The following SHISA6 variants were observed in gnomAD, a reference collection of about 807,000 sequenced individuals.
SHISA6 encodes shisa family member 6.
A neutral mutation model predicts 47.9 loss-of-function variants in SHISA6; 22 were observed. That is an observed-to-expected ratio of 0.46 (90% CI 0.33 to 0.66). The LOEUF is 0.66. Ranked by LOEUF, SHISA6 falls within the 30% of genes least tolerant of loss-of-function variation. SHISA6 has a pLI of 0.02. For missense variants in SHISA6, 680 were observed against 764.6 expected, an observed-to-expected ratio of 0.89 and a Z score of 1.30; for synonymous variants, 388 against 337.8, an observed-to-expected ratio of 1.15 and a Z score of -1.63.
chr17:11,532,275 T>C (rs1196858395), intron 3 of SHISA6, among the ~76,000 whole-genome samples: 5 of 152,186 alleles, frequency 3.3e-5, no homozygotes, highest in African/African-American at 4.8e-5. Flanking sequence ...AAGCCACGTA[T>C]ACCATATTCC....
chr17:11,529,175 A>T (rs1054681572), intron 3 of SHISA6, among the ~76,000 whole-genome samples: 2 of 151,894 alleles, frequency 1.3e-5, no homozygotes, highest in African/African-American at 4.8e-5. Context: ...CCTGGGTGAC[A>T]GTGTGAGACT....
At chr17:11,506,094 C>T (rs765616702) in intron 3 of SHISA6, among the ~76,000 whole-genome samples, 8 of 152,126 alleles carry the variant, frequency 5.3e-5, no homozygotes, top group Non-Finnish European at 1.2e-4. Context: ...TGCATATCCA[C>T]GGGATTATGT....
At chr17:11,553,997 G>C (rs548637395) in intron 4 of SHISA6, among the ~76,000 whole-genome samples, 1 of 152,304 alleles carries the variant, frequency 6.6e-6, no homozygotes, top group South Asian at 2.1e-4. Flanking sequence ...AGGGAGAGCT[G>C]GCCTTGGCTC....
At chr17:11,395,463 T>C (rs1360696208) in intron 3 of SHISA6, among the ~76,000 whole-genome samples, 1 of 152,006 alleles carries the variant, frequency 6.6e-6, no homozygotes, top group Non-Finnish European at 1.5e-5. Flanking sequence ...ATTTTTATTA[T>C]TGGCATCCTA....
chr17:11,406,223 C>T (rs1913954286), intron 3 of SHISA6, among the ~76,000 whole-genome samples: 1 of 152,200 alleles, frequency 6.6e-6, no homozygotes, highest in Non-Finnish European at 1.5e-5. Flanking sequence ...AGATTAACCT[C>T]TCACTCACAC....
At chr17:11,298,914 G>A (rs1198858158) in intron 2 of SHISA6, among the ~76,000 whole-genome samples, 1 of 152,192 alleles carries the variant, frequency 6.6e-6, no homozygotes, top group Non-Finnish European at 1.5e-5. Context: ...TGATGTTAGA[G>A]GTAGATTTGT....
intron 2 of SHISA6, chr17:11,289,410 A>T (rs1259384889): frequency 6.6e-6 from 1 of 152,016 alleles, no homozygotes; most frequent in East Asian, 1.9e-4. Context: ...TAAGATTTGA[A>T]ATCAAGGTTA....
intron 3 of SHISA6, among the ~76,000 whole-genome samples, chr17:11,512,565 A>T (rs1365902342): frequency 2.0e-5 from 3 of 152,318 alleles, no homozygotes; most frequent in Admixed American, 6.5e-5. Flanking sequence ...AAAAGTTGTC[A>T]CTTTAATTTT....
At chr17:11,464,169 G>A (rs908767631) in intron 3 of SHISA6, among the ~76,000 whole-genome samples, 11 of 151,992 alleles carry the variant, frequency 7.2e-5, no homozygotes, top group African/African-American at 9.7e-5. Context: ...CTCCTGCCTC[G>A]GCCTCCCAAA....
chr17:11,411,410 T>A (rs2142272834), intron 3 of SHISA6, among the ~76,000 whole-genome samples: 1 of 152,100 alleles, frequency 6.6e-6, no homozygotes, highest in Non-Finnish European at 1.5e-5. Context: ...TTTGTTTGTT[T>A]GTTTGAGATG....
chr17:11,258,040 A>G (rs1179137568), intron 1 of SHISA6, among the ~76,000 whole-genome samples: 1 of 152,236 alleles, frequency 6.6e-6, no homozygotes, highest in African/African-American at 2.4e-5. Context: ...TTAGGCAGGA[A>G]TGCTTTTAGA....
rs892585974 is a variant in SHISA6 at position 11,291,531 on chromosome 17, G to A, written c.799+28005G>A. On this transcript the variant is annotated intron_variant, in intron 2 of 5. Coordinates refer to ENST00000441885, the MANE Select transcript of SHISA6 (RefSeq NM_207386.4). ...CGCCTGTAGTCCCAGCTACTCGGGA[G>A]GCTGAGGCAGGAGAATTACTTTAAC... Among the ~76,000 whole-genome samples, 24 of 152,086 alleles carry A rather than the reference G, an allele frequency of 1.6e-4. 1 individual carries two copies. Among genetic ancestry groups the A allele is most frequent in the African/African-American group, 5.3e-4 (22 of 41,412 alleles).
At chr17:11,553,503 G>C (rs576260172) in intron 4 of SHISA6, among the ~76,000 whole-genome samples, 1 of 152,286 alleles carries the variant, frequency 6.6e-6, no homozygotes, top group African/African-American at 2.4e-5. Flanking sequence ...AGGAGATGGG[G>C]GTTGATGAGA....
At chr17:11,277,280 T>TCA (rs113287260) in intron 2 of SHISA6, among the ~76,000 whole-genome samples, 590 of 53,848 alleles carry the variant, frequency 0.011, 12 homozygotes, top group African/African-American at 0.016. Context: ...TCTCTCTCTC[T>TCA]CACACACACA....
In SHISA6 at chr17:11,457,774, G is replaced by A. The variant is rs150655437; in HGVS notation, c.895+78265G>A. Among the ~76,000 whole-genome samples the A allele has an allele frequency of 4.4e-3, 584 of 132,392 alleles. 3 individuals carry two copies. Among genetic ancestry groups the A allele is most frequent in the Admixed American group, 7.3e-3 (93 of 12,654 alleles). 86.9% of individuals were successfully genotyped at this position (132,392 alleles called of 152,430 possible). On this transcript the variant is annotated intron_variant, in intron 3 of 5. Coordinates refer to ENST00000441885, the MANE Select transcript of SHISA6 (RefSeq NM_207386.4). ...AAAAAAAAGACAGATGAGATAGATA[G>A]ATGCCTTCCATAAAAATAGAGAATG...
At chr17:11,352,976 C>G (rs1298007034) in intron 2 of SHISA6, among the ~76,000 whole-genome samples, 1 of 152,144 alleles carries the variant, frequency 6.6e-6, no homozygotes, top group Non-Finnish European at 1.5e-5. Flanking sequence ...ATTATGATTG[C>G]CTTCCACCCT....
At chr17:11,503,101 TTCTAGAGGTCA>T (rs932452162) in intron 3 of SHISA6, among the ~76,000 whole-genome samples, 5 of 152,320 alleles carry the variant, frequency 3.3e-5, no homozygotes, top group East Asian at 1.9e-4. Context: ...GCTGCAAGGG[TTCTAGAGGTCA>T]TCTAGAGGTC....
At chr17:11,522,440 T>A (rs893343317) in intron 3 of SHISA6, among the ~76,000 whole-genome samples, 1 of 152,146 alleles carries the variant, frequency 6.6e-6, no homozygotes, top group Non-Finnish European at 1.5e-5. Flanking sequence ...TTTGGTTTTT[T>A]AATTTTGTAT....
rs1274179997 is a variant in SHISA6 at position 11,388,813 on chromosome 17, TATATATATATATATATATATA to T, written c.895+9305_895+9325del. On this transcript the variant is annotated intron_variant, in intron 3 of 5. Coordinates refer to ENST00000441885, the MANE Select transcript of SHISA6 (RefSeq NM_207386.4). ...GTTTATATATATATATATATATATATATATATATATATATATATATATATATATTTTAAAAAAGGTAAAAAA... is the reference window on the plus strand; with the variant it reads ...GTTTATATATATATATATATATATATTATATATTTTAAAAAAGGTAAAAAA... Among the ~76,000 whole-genome samples, 512 of 97,856 alleles carry T rather than the reference TATATATATATATATATATATA, an allele frequency of 5.2e-3. 11 individuals carry two copies. Among genetic ancestry groups the T allele is most frequent in the Admixed American group, 0.025 (245 of 9,704 alleles). The allele number at this position is 97,856 out of a possible 152,430, so 64.2% of individuals were successfully genotyped here.
Sources: gnomAD v4.1 joint callset for allele counts (sites outside exome capture counted in the v4.1 genomes callset) on GRCh38, gnomAD v4.1.1 for gene constraint, MANE v1.5 for transcripts, NCBI Gene and HGNC (gene_info 2026-07-23, HGNC 2026-07-21) for gene names.